SLC22A2: variants seen among roughly 807,000 people sequenced by gnomAD.
The protein encoded by SLC22A2 is solute carrier family 22 member 2, also known as organic cation transporter 2.
In SLC22A2, 46 loss-of-function variants were observed where a neutral mutation model predicts 60.5. That is an observed-to-expected ratio of 0.76 (90% confidence interval 0.60 to 0.97). The LOEUF is 0.97. SLC22A2 is among the 50% of genes least tolerant of loss of function. The pLI is 0.00. For missense variants in SLC22A2, 701 were observed against 706.6 expected (o/e 0.99, Z 0.09); for synonymous variants, 303 against 267.0 (o/e 1.13, Z -1.31).
chr6:160,240,188 G>A (rs1446568162), intron 9 of SLC22A2, among the ~76,000 whole-genome samples: 2 of 152,180 alleles, frequency 1.3e-5, no homozygotes, highest in Non-Finnish European at 2.9e-5. Context: ...CCTTAAAGTA[G>A]GGAGGCAGGT....
At chr6:160,232,230 C>T (rs1782836500) in intron 9 of SLC22A2, among the ~76,000 whole-genome samples, 1 of 151,846 alleles carries the variant, frequency 6.6e-6, no homozygotes, top group African/African-American at 2.4e-5. Context: ...CTCTCTGATC[C>T]ACCTGACATT....
chr6:160,242,392 C>A lies in SLC22A2; in HGVS notation c.1290G>T (p.Trp430Cys). ...CCAAGCATGAGATAATAATTTTTAG[C>A]CATTGTAGATCTAAGAGGGAAAAGA... ...ASVFIPGDLQ[W>C]LKIIISCLGR... The change falls in exon 8 of 11, where the codon TGG (tryptophan) becomes TGT (cysteine). Residue 430 changes from tryptophan (W) to cysteine (C), a missense_variant. Coordinates refer to ENST00000366953, the MANE Select transcript of SLC22A2 (RefSeq NM_003058.4). 5 of 1,577,380 alleles carry A rather than the reference C, an allele frequency of 3.2e-6. No homozygotes were observed. The highest frequency in any genetic ancestry group is 3.5e-6 in the Non-Finnish European group (4 of 1,146,592).
chr6:160,227,207 T>A (rs919311461), intron 9 of SLC22A2, among the ~76,000 whole-genome samples: 1 of 152,168 alleles, frequency 6.6e-6, no homozygotes, highest in Admixed American at 6.5e-5. Flanking sequence ...CTTTTAAAGA[T>A]CTGTATAGGA....
intron 5 of SLC22A2, among the ~76,000 whole-genome samples, chr6:160,245,811 C>T (rs1409949130): frequency 6.7e-6 from 1 of 149,972 alleles, no homozygotes; most frequent in Non-Finnish European, 1.5e-5. Flanking sequence ...CAATCCTCTG[C>T]CTCAGCCTCC....
chr6:160,236,837 G>A (rs1782919591), intron 9 of SLC22A2, among the ~76,000 whole-genome samples: 1 of 72,822 alleles, frequency 1.4e-5, no homozygotes, highest in South Asian at 5.8e-4. Flanking sequence ...GTATTAGAGG[G>A]TACAAACCCA....
chr6:160,222,436 G>T (rs1782657392), intron 10 of SLC22A2, among the ~76,000 whole-genome samples: 1 of 152,200 alleles, frequency 6.6e-6, no homozygotes, highest in South Asian at 2.1e-4. Flanking sequence ...TGCCTGCCTG[G>T]CACTGGCGCT....
intron 2 of SLC22A2, among the ~76,000 whole-genome samples, chr6:160,253,496 G>A (rs1234038794): frequency 6.6e-6 from 1 of 152,120 alleles, no homozygotes; most frequent in East Asian, 1.9e-4. Context: ...GTTTTAGCTA[G>A]TCCTCAGTTT....
At position 160,249,295 on chromosome 6, in the gene SLC22A2, C is replaced by T. The variant is rs1783146582; in HGVS notation, c.763G>A (p.Val255Met). ...YTVGLLVLAG[V>M]AYALPHWRWL... ...CTCCAGTGAGGAAGTGCGTAAGCCA[C>T]CCCAGCTAGCACCAGGAGCCCAACT... Residue 255 changes from valine to methionine, a missense_variant, in exon 4 of 11, where the codon GTG (valine) becomes ATG (methionine). Transcript: ENST00000366953. 1 of 1,613,146 alleles carries T rather than the reference C, an allele frequency of 6.2e-7. No homozygotes were observed. The highest frequency in any genetic ancestry group is 1.1e-5 in the South Asian group (1 of 90,996).
At chr6:160,241,718 C>G in intron 8 of SLC22A2, 132 bp from the exon 9 acceptor site, 1 of 516,192 alleles carries the variant, frequency 1.9e-6, no homozygotes, top group East Asian at 2.9e-5. Context: ...GCTCAGGTGA[C>G]GGGTGCACCA....
At position 160,224,720 on chromosome 6, in the gene SLC22A2, G is replaced by C. The variant is rs774518542; in HGVS notation, c.1586C>G (p.Ala529Gly). 2.5e-6 allele frequency: 4 copies of C among 1,602,080 alleles called. No homozygotes were observed. The South Asian group carries it at 4.5e-5, about 18-fold the overall frequency. Residue 529 changes from alanine to glycine, a missense_variant, in exon 10 of 11, where the codon GCC (alanine) becomes GGC (glycine). Transcript: ENST00000366953. The part of the protein sequence containing the change: ...GKALPETIEE[A>G]ENMQRPRKNK... ...AACTGCCTACCTTTGCATATTTTCG[G>C]CTTCCTCGATGGTCTCAGGCAAAGC...
At chr6:160,240,073 T>A (rs1201204550) in intron 9 of SLC22A2, among the ~76,000 whole-genome samples, 1 of 152,118 alleles carries the variant, frequency 6.6e-6, no homozygotes, top group Admixed American at 6.5e-5. Flanking sequence ...CAGTCGAGGT[T>A]TATTAAGTCA....
chr6:160,223,476 T>C (rs1388615807), intron 10 of SLC22A2, among the ~76,000 whole-genome samples: 1 of 152,232 alleles, frequency 6.6e-6, no homozygotes, highest in African/African-American at 2.4e-5. Flanking sequence ...TAGCAATATA[T>C]CTTGGAGAAC....
intron 10 of SLC22A2, among the ~76,000 whole-genome samples, chr6:160,221,965 T>C (rs1287732409): frequency 6.6e-6 from 1 of 152,184 alleles, no homozygotes; most frequent in Non-Finnish European, 1.5e-5. Flanking sequence ...CAAATAAACT[T>C]GCTTAATGTA....
chr6:160,253,921 C>T (rs1415800089), intron 2 of SLC22A2, among the ~76,000 whole-genome samples: 2 of 152,158 alleles, frequency 1.3e-5, no homozygotes, highest in African/African-American at 2.4e-5. Context: ...ATAAACACTA[C>T]AAACTGGGGC....
At chr6:160,247,925 G>A (rs1343774994) in intron 4 of SLC22A2, among the ~76,000 whole-genome samples, 1 of 152,134 alleles carries the variant, frequency 6.6e-6, no homozygotes, top group East Asian at 1.9e-4. Flanking sequence ...TAGGGCTGCT[G>A]CTGTGGCAGT....
intron 5 of SLC22A2, 82 bp from the exon 6 acceptor site, chr6:160,245,627 T>G: frequency 1.4e-6 from 1 of 709,568 alleles, no homozygotes; most frequent in Non-Finnish European, 2.2e-6. Flanking sequence ...AATAATTTCT[T>G]ACCGTCCTGA....
At chr6:160,245,725 A>C (rs564295076) in intron 5 of SLC22A2, among the ~76,000 whole-genome samples, 180 bp from the exon 6 acceptor site, 2 of 135,106 alleles carry the variant, frequency 1.5e-5, no homozygotes, top group South Asian at 2.4e-4. Context: ...TTGAGACTGA[A>C]TCTTGCTCTG....
intron 9 of SLC22A2, among the ~76,000 whole-genome samples, chr6:160,234,074 T>C (rs1782871096): frequency 6.6e-6 from 1 of 152,184 alleles, no homozygotes; most frequent in African/African-American, 2.4e-5. Context: ...GTGAAATTCC[T>C]TCTCCTGGCT....
chr6:160,242,259 AC>A (rs758949512), intron 8 of SLC22A2, 34 bp downstream of exon 8: 1 of 1,119,270 alleles, frequency 8.9e-7, no homozygotes, highest in South Asian at 1.2e-5. Flanking sequence ...CAAATGTCTC[AC>A]CCACCCTCGT....
Sources: allele counts gnomAD v4.1 joint callset (sites outside exome capture counted in the v4.1 genomes callset), GRCh38; gene constraint gnomAD v4.1.1; transcripts MANE v1.5; gene names NCBI Gene and HGNC (gene_info 2026-07-23, HGNC 2026-07-21).